Variants in GLG1 observed in about 807,000 individuals in gnomAD.
The protein encoded by GLG1 is golgi glycoprotein 1.
In GLG1, 38 loss-of-function variants were observed where a neutral mutation model predicts 160.5. The ratio of observed to expected loss-of-function variants is 0.24; its 90% CI spans 0.18 to 0.31. The LOEUF (loss-of-function observed/expected upper bound fraction) is 0.31, where lower values mean the gene tolerates loss of function less well. GLG1 is among the 10% of genes least tolerant of loss of function. The probability of loss-of-function intolerance (pLI) is 1.00; values close to 1 mark genes in which losing one functional copy is unlikely to be tolerated. For missense variants in GLG1, 1,373 were observed against 1,505.2 expected, an observed-to-expected ratio of 0.91 and a Z score of 1.45; for synonymous variants, 644 against 543.4, an observed-to-expected ratio of 1.19 and a Z score of -2.57.
At chr16:74,522,473 T>C (rs1017846464) in intron 2 of GLG1, among the ~76,000 whole-genome samples, 3 of 152,236 alleles carry the variant, frequency 2.0e-5, no homozygotes, top group Non-Finnish European at 2.9e-5. Context: ...TAAGCGAAGT[T>C]AAGCACCTTT....
intron 1 of GLG1, among the ~76,000 whole-genome samples, chr16:74,568,510 C>A (rs1372717897): frequency 6.6e-6 from 1 of 151,658 alleles, no homozygotes; most frequent in Non-Finnish European, 1.5e-5. Flanking sequence ...CTCCGCCTCC[C>A]GGGTTCAAGC....
At chr16:74,574,756 C>T (rs1024098903) in intron 1 of GLG1, among the ~76,000 whole-genome samples, 3 of 150,992 alleles carry the variant, frequency 2.0e-5, no homozygotes, top group African/African-American at 7.3e-5. Context: ...TGGTGGTGCA[C>T]ACCTGTAGTC....
chr16:74,487,647 A>C (rs1292281936), intron 8 of GLG1, among the ~76,000 whole-genome samples: 3 of 152,190 alleles, frequency 2.0e-5, no homozygotes, highest in African/African-American at 7.2e-5. Flanking sequence ...ACAAAGACCA[A>C]AGCATTTACA....
chr16:74,533,849 G>A (rs2017613888), intron 1 of GLG1, among the ~76,000 whole-genome samples: 2 of 152,106 alleles, frequency 1.3e-5, no homozygotes, highest in South Asian at 4.1e-4. Flanking sequence ...TGAATTCTGT[G>A]TGCCTATAAC....
intron 2 of GLG1, among the ~76,000 whole-genome samples, chr16:74,519,430 C>T (rs1468067900): frequency 2.0e-5 from 3 of 151,704 alleles, no homozygotes; most frequent in African/African-American, 7.3e-5. Context: ...ACATGTATAC[C>T]TATGTAACAA....
intron 2 of GLG1, among the ~76,000 whole-genome samples, chr16:74,531,164 T>C (rs1432617143): frequency 1.3e-5 from 2 of 152,138 alleles, no homozygotes; most frequent in African/African-American, 4.8e-5. Context: ...GTACTTGACT[T>C]ACCTAGGTTT....
At chr16:74,516,565 G>C (rs1014593714) in intron 2 of GLG1, among the ~76,000 whole-genome samples, 5 of 152,138 alleles carry the variant, frequency 3.3e-5, no homozygotes, top group Non-Finnish European at 7.3e-5. Context: ...AGTGTGTAGA[G>C]GGAAATTTAC....
intron 1 of GLG1, among the ~76,000 whole-genome samples, chr16:74,560,326 C>CTTTT (rs66983409): frequency 5.9e-5 from 7 of 118,376 alleles, no homozygotes; most frequent in African/African-American, 1.3e-4. Context: ...CAGTTTTTGT[C>CTTTT]TTTTTTTTTT....
At chr16:74,501,335 T>C (rs565655301) in intron 4 of GLG1, among the ~76,000 whole-genome samples, 1 of 152,240 alleles carries the variant, frequency 6.6e-6, no homozygotes, top group Non-Finnish European at 1.5e-5. Flanking sequence ...GCTGGTGTAG[T>C]GACCTGGTAT....
chr16:74,542,484 C>T (rs1214135059), intron 1 of GLG1, among the ~76,000 whole-genome samples: 4 of 151,796 alleles, frequency 2.6e-5, no homozygotes, highest in South Asian at 2.1e-4. Flanking sequence ...GCGTGGCCAA[C>T]GTGGTGAAAC....
At position 74,485,780 on chromosome 16, in the gene GLG1, G is replaced by T; in HGVS notation, c.1571+16C>A. 1.2e-6 allele frequency: 2 copies of T among 1,608,034 alleles called. No homozygotes were observed. The highest frequency in any genetic ancestry group is 1.7e-6 in the Non-Finnish European group (2 of 1,175,866). On this transcript the variant is annotated intron_variant, in intron 9 of 25. Coordinates refer to ENST00000422840, the MANE Select transcript of GLG1 (RefSeq NM_001145667.2). ...GAAATACAATATGGATAAATACCAT[G>T]GAGAAGATAACTTACATTGGGTCTC...
chr16:74,476,327 C>T (rs1321100911), intron 12 of GLG1, among the ~76,000 whole-genome samples: 1 of 152,146 alleles, frequency 6.6e-6, no homozygotes, highest in Non-Finnish European at 1.5e-5. Flanking sequence ...TTTCATTGGA[C>T]AGAGGCAACA....
At chr16:74,515,073 A>C (rs982900778) in intron 2 of GLG1, among the ~76,000 whole-genome samples, 1 of 152,226 alleles carries the variant, frequency 6.6e-6, no homozygotes, top group African/African-American at 2.4e-5. Context: ...TGGTAAAGGG[A>C]TCAATTCAAC....
chr16:74,516,338 A>C (rs1177298374), intron 2 of GLG1, among the ~76,000 whole-genome samples: 2 of 151,780 alleles, frequency 1.3e-5, no homozygotes, highest in Non-Finnish European at 2.9e-5. Flanking sequence ...AAAAGAACAG[A>C]AATTGTAACA....
intron 2 of GLG1, among the ~76,000 whole-genome samples, chr16:74,509,786 T>C (rs1597286974): frequency 6.6e-6 from 1 of 150,404 alleles, no homozygotes; most frequent in African/African-American, 2.4e-5. Context: ...TAGGCAGAGG[T>C]TGCAGTGAGC....
At chr16:74,497,400 TAA>T (rs1001894388) in intron 4 of GLG1, among the ~76,000 whole-genome samples, 9 of 148,408 alleles carry the variant, frequency 6.1e-5, no homozygotes, top group African/African-American at 2.2e-4. Flanking sequence ...CATTTGTCTC[TAA>T]AAACCAGGCA....
chr16:74,487,907 T>C (rs1228548982), intron 8 of GLG1, among the ~76,000 whole-genome samples: 3 of 151,858 alleles, frequency 2.0e-5, no homozygotes, highest in Non-Finnish European at 4.4e-5. Context: ...TGTGAACTGC[T>C]ACATGATTAT....
chr16:74,574,915 AC>A (rs2018948503), intron 1 of GLG1, among the ~76,000 whole-genome samples: 6 of 127,398 alleles, frequency 4.7e-5, no homozygotes, highest in Non-Finnish European at 1.0e-4. Flanking sequence ...AAAAAAAAAG[AC>A]AGAGAGAGAG....
intron 1 of GLG1, among the ~76,000 whole-genome samples, chr16:74,605,899 A>G (rs149718710): frequency 1.3e-5 from 2 of 152,312 alleles, no homozygotes; most frequent in African/African-American, 4.8e-5. Flanking sequence ...TTAAACCTAG[A>G]TTATAAATTA....
Sources: gnomAD v4.1 joint callset for allele counts (sites outside exome capture counted in the v4.1 genomes callset) on GRCh38, gnomAD v4.1.1 for gene constraint, MANE v1.5 for transcripts, NCBI Gene and HGNC (gene_info 2026-07-23, HGNC 2026-07-21) for gene names.